The following ACAD9 variants were observed in gnomAD, a reference collection of about 807,000 sequenced individuals.
ACAD9 encodes the protein complex I assembly factor ACAD9, mitochondrial.
A neutral mutation model predicts 70.2 loss-of-function variants in ACAD9; 53 were observed. That is an observed-to-expected ratio of 0.75 (90% CI 0.61 to 0.95). ACAD9 has a LOEUF of 0.95. ACAD9 is among the 40% of genes least tolerant of loss of function. ACAD9 has a pLI of 0.00. For synonymous variants in ACAD9, 313 were observed against 312.1 expected, an observed-to-expected ratio of 1.00 and a Z score of -0.03; for missense variants, 777 against 802.8, an observed-to-expected ratio of 0.97 and a Z score of 0.39.
At position 128,908,992 on chromosome 3, in the gene ACAD9, G is replaced by A. The variant is rs749173026; in HGVS notation, c.1378G>A (p.Val460Met). 2 of 1,614,160 alleles carry A rather than the reference G, an allele frequency of 1.2e-6. No individual in the cohort carries two copies. The highest frequency in any genetic ancestry group is 2.2e-5 in the South Asian group (2 of 91,088). ...CTGCAGTGAGCTTAAACAGGCCAAAGTGAGCACAGTCATGGATACCGTTGG... is the reference window on the plus strand; with the variant it reads ...CTGCAGTGAGCTTAAACAGGCCAAAATGAGCACAGTCATGGATACCGTTGG... ...TRIHELKQAKVSTVMDTVGRR... is the reference protein window; with the variant it reads ...TRIHELKQAKMSTVMDTVGRR... Residue 460 changes from valine (V) to methionine (M), a missense_variant, in exon 14 of 18, where the codon GTG (valine) becomes ATG (methionine). Physicochemically the swap from Val to Met is conservative, Grantham distance 21 (BLOSUM62 1). Transcript: ENST00000308982.
At chr3:128,909,945 G>C in intron 15 of ACAD9, 76 bp from the exon 16 acceptor site, 1 of 1,586,446 alleles carries the variant, frequency 6.3e-7, no homozygotes, top group Non-Finnish European at 8.6e-7. Context: ...GACAGGCAAA[G>C]ATGCAGCCCA....
chr3:128,885,504 A>C (rs1935219641), intron 2 of ACAD9, among the ~76,000 whole-genome samples: 1 of 152,030 alleles, frequency 6.6e-6, no homozygotes, highest in South Asian at 2.1e-4. Flanking sequence ...CAGTCCCCCA[A>C]CTTCAGCCTC....
At chr3:128,903,946 C>T in intron 9 of ACAD9, 116 bp from the exon 10 acceptor site, 1 of 1,105,758 alleles carries the variant, frequency 9.0e-7, no homozygotes, top group South Asian at 1.3e-5. Context: ...TTGACCTCAG[C>T]AGACACGCTT....
rs571015299 is a variant in ACAD9 at position 128,910,236 on chromosome 3, G to A, written c.1692+87G>A. ...TGAAGTTGATTGTTGAGGAGGGTGT[G>A]GTCGGGTGTGGGGGAGGCTGTGCAG... is the stretch of plus-strand genomic sequence containing the variant. On this transcript the variant is annotated intron_variant, in intron 16 of 17. Coordinates refer to ENST00000308982, the MANE Select transcript of ACAD9 (RefSeq NM_014049.5). The A allele has an allele frequency of 2.5e-6, 4 of 1,592,592 alleles. No individual in the cohort carries two copies. In the East Asian group the frequency reaches 6.8e-5, roughly 27 times the overall value.
chr3:128,908,445 G>A (rs1019224406), intron 13 of ACAD9, 181 bp downstream of exon 13: 3 of 709,062 alleles, frequency 4.2e-6, no homozygotes, highest in Admixed American at 2.1e-5. Flanking sequence ...GGAAGCCCTC[G>A]CTGCCCTGCC....
In ACAD9 at chr3:128,893,551, G is replaced by T. The variant is rs759892514; in HGVS notation, c.245-4G>T. The T allele has an allele frequency of 1.9e-6, 3 of 1,611,052 alleles. No homozygotes were observed. The highest frequency in any genetic ancestry group is 1.7e-5 in the Admixed American group (1 of 60,004). On this transcript the variant is annotated splice_region_variant and splice_polypyrimidine_tract_variant and intron_variant, in intron 2 of 17. Coordinates refer to ENST00000308982, the MANE Select transcript of ACAD9 (RefSeq NM_014049.5). ...TTGTTTAATCAAGATTTTCCTCTTGGCAGTGGACTCCCGAAAAATTGACCA... is the reference window on the plus strand; with the variant it reads ...TTGTTTAATCAAGATTTTCCTCTTGTCAGTGGACTCCCGAAAAATTGACCA...
chr3:128,896,308 T>G, intron 4 of ACAD9, 128 bp from the exon 5 acceptor site: 1 of 1,034,726 alleles, frequency 9.7e-7, no homozygotes, highest in Admixed American at 2.0e-5. Flanking sequence ...TGTGGCCGCT[T>G]GCTCTGAGTT....
chr3:128,911,442 CTT>C (rs59553192), intron 17 of ACAD9, among the ~76,000 whole-genome samples: 2 of 151,568 alleles, frequency 1.3e-5, no homozygotes, highest in East Asian at 2.0e-4. Flanking sequence ...GCTGTATTCT[CTT>C]TTTTTTGGAG....
At chr3:128,909,178 T>G (rs777412688) in intron 14 of ACAD9, 79 bp downstream of exon 14, 29 of 1,602,544 alleles carry the variant, frequency 1.8e-5, no homozygotes, top group East Asian at 1.8e-4. Flanking sequence ...GATCTCACTG[T>G]GGGGGGTCTG....
intron 16 of ACAD9, 170 bp downstream of exon 16, chr3:128,910,319 C>G: frequency 6.8e-7 from 1 of 1,480,070 alleles, no homozygotes; most frequent in Non-Finnish European, 8.9e-7. Flanking sequence ...GGGCTGTTCC[C>G]TTTCTTCTTC....
chr3:128,883,419 G>A (rs1178363515), intron 1 of ACAD9, among the ~76,000 whole-genome samples: 1 of 150,840 alleles, frequency 6.6e-6, no homozygotes, highest in Non-Finnish European at 1.5e-5. Context: ...GTGCAATGGC[G>A]CAATCTCGGC....
chr3:128,910,177 C>T, intron 16 of ACAD9, 28 bp downstream of exon 16: 1 of 1,613,736 alleles, frequency 6.2e-7, no homozygotes, highest in Non-Finnish European at 8.5e-7. Flanking sequence ...TCACACAGGG[C>T]CTGGCTGCTG....
intron 13 of ACAD9, 123 bp downstream of exon 13, chr3:128,908,387 C>T: frequency 8.3e-7 from 1 of 1,204,302 alleles, no homozygotes. Context: ...GTGGCGCAGC[C>T]TTGTGGAGGG....
chr3:128,888,331 C>T (rs568613730), intron 2 of ACAD9, among the ~76,000 whole-genome samples: 115 of 152,276 alleles, frequency 7.6e-4, no homozygotes, highest in Non-Finnish European at 1.4e-3. Context: ...GCAATCCCAG[C>T]GCTTTGGGAG....
At chr3:128,895,250 A>G in intron 3 of ACAD9, 60 bp from the exon 4 acceptor site, 1 of 1,323,766 alleles carries the variant, frequency 7.6e-7, no homozygotes, top group Admixed American at 1.9e-5. Flanking sequence ...AAAGCCAATG[A>G]AGCCTTAATG....
chr3:128,910,758 C>A lies in ACAD9; in HGVS notation c.1710C>A (p.Thr570=), dbSNP rs749152088. 4 of 1,614,088 alleles carry A rather than the reference C, an allele frequency of 2.5e-6. No homozygotes were observed. Among genetic ancestry groups the A allele is most frequent in the Non-Finnish European group, 3.4e-6 (4 of 1,180,048 alleles). ...TCTGGCAGGTTCTCTTGGCCAACAC[C>A]TTCTGCGTGGAAGCTTACTTGCAGA... is the stretch of plus-strand genomic sequence containing the variant. ...NHDHEVLLAN[T]FCVEAYLQNL... The change falls in exon 17 of 18, where the codon ACC becomes ACA. Residue 570 remains threonine (T), a synonymous_variant. Transcript: ENST00000308982.
At chr3:128,903,275 TG>T (rs1243370429) in intron 9 of ACAD9, among the ~76,000 whole-genome samples, 1 of 152,218 alleles carries the variant, frequency 6.6e-6, no homozygotes, top group African/African-American at 2.4e-5. Flanking sequence ...GCTCTGGGCC[TG>T]TTTTGGCTTC....
intron 7 of ACAD9, among the ~76,000 whole-genome samples, chr3:128,901,044 CTATT>C (rs1468286013): frequency 6.6e-6 from 1 of 152,092 alleles, no homozygotes; most frequent in Non-Finnish European, 1.5e-5. Context: ...TCGTGATGCC[CTATT>C]TATTTCATCC....
At chr3:128,906,855 G>A (rs1026778831) in intron 12 of ACAD9, among the ~76,000 whole-genome samples, 1 of 152,166 alleles carries the variant, frequency 6.6e-6, no homozygotes, top group African/African-American at 2.4e-5. Context: ...TAGCCAGACT[G>A]TGGAGGACCT....
Sources: gnomAD v4.1 joint callset for allele counts (sites outside exome capture counted in the v4.1 genomes callset) on GRCh38, gnomAD v4.1.1 for gene constraint, MANE v1.5 for transcripts, NCBI Gene and HGNC (gene_info 2026-07-23, HGNC 2026-07-21) for gene names.